Variants in SYNE1 observed in about 807,000 individuals in gnomAD.
SYNE1 encodes the protein nesprin-1.
Under a neutral mutation model 1,111.0 loss-of-function variants are expected in SYNE1, and 616 were observed. The observed-to-expected ratio is 0.55, with a 90% CI of 0.52 to 0.59. The LOEUF (loss-of-function observed/expected upper bound fraction) is 0.59. Ranked by LOEUF, SYNE1 falls within the 20% of genes least tolerant of loss-of-function variation. The pLI, the probability that SYNE1 is intolerant of heterozygous loss-of-function variation, is 0.00. For synonymous variants in SYNE1, 3,855 were observed against 3,825.8 expected, an observed-to-expected ratio of 1.01 and a Z score of -0.28; for missense variants, 10,006 against 10,417.0, an observed-to-expected ratio of 0.96 and a Z score of 1.72.
intron 3 of SYNE1, among the ~76,000 whole-genome samples, chr6:152,563,546 T>C (rs1388760121): frequency 1.3e-5 from 2 of 152,186 alleles, no homozygotes; most frequent in East Asian, 1.9e-4. Context: ...ATGAGAAATA[T>C]ATCAACTCAT....
At chr6:152,318,668 T>C (rs948361945) in intron 85 of SYNE1, among the ~76,000 whole-genome samples, 195 bp downstream of exon 85, 1 of 152,218 alleles carries the variant, frequency 6.6e-6, no homozygotes, top group Non-Finnish European at 1.5e-5. Context: ...TATTTATTAA[T>C]ACTGTTCAAT....
intron 115 of SYNE1, among the ~76,000 whole-genome samples, chr6:152,227,330 C>A (rs998844113): frequency 4.6e-5 from 7 of 152,038 alleles, no homozygotes; most frequent in African/African-American, 1.7e-4. Flanking sequence ...TATGTTTAGC[C>A]ATTTGGCAAT....
chr6:152,628,713 A>AAAT (rs2099691248), intron 2 of SYNE1, among the ~76,000 whole-genome samples, 159 bp from the exon 3 acceptor site: 1 of 152,226 alleles, frequency 6.6e-6, no homozygotes, highest in Non-Finnish European at 1.5e-5. Flanking sequence ...AGTACTATGC[A>AAAT]AATGTTAGGA....
intron 3 of SYNE1, among the ~76,000 whole-genome samples, chr6:152,627,711 C>A (rs927872909): frequency 1.6e-4 from 24 of 152,076 alleles, no homozygotes; most frequent in African/African-American, 5.3e-4. Flanking sequence ...TGGAGAAGAG[C>A]ATCACTGAGG....
At chr6:152,424,798 A>T (rs769322703) in intron 39 of SYNE1, among the ~76,000 whole-genome samples, 7 of 152,230 alleles carry the variant, frequency 4.6e-5, no homozygotes, top group Non-Finnish European at 8.8e-5. Context: ...GAATGAATTA[A>T]TTTTTTAAAT....
chr6:152,581,635 C>T (rs1226480156), intron 3 of SYNE1, among the ~76,000 whole-genome samples: 1 of 152,108 alleles, frequency 6.6e-6, no homozygotes, highest in Non-Finnish European at 1.5e-5. Flanking sequence ...CTCAGACCTC[C>T]CTTTCCAGTT....
At position 152,563,121 on chromosome 6, in the gene SYNE1, A is replaced by G. The variant is rs2128237837; in HGVS notation, c.68-23100T>C. 2.6e-5 allele frequency among the ~76,000 whole-genome samples: 4 copies of G among 152,184 alleles called. No individual in the cohort carries two copies. The South Asian group carries it at 8.3e-4, about 32-fold the overall frequency. ...AAACACACATAGAGACAACAATAAC[A>G]AAATAGTACCTTTTATCATACCCGG... On this transcript the variant is annotated intron_variant, in intron 3 of 145. Transcript: ENST00000367255.
At chr6:152,516,327 C>T (rs778398274) in intron 6 of SYNE1, among the ~76,000 whole-genome samples, 4 of 152,154 alleles carry the variant, frequency 2.6e-5, no homozygotes, top group Non-Finnish European at 5.9e-5. Context: ...ACTTTTGGTG[C>T]TTAGCAAATA....
At chr6:152,524,235 T>C (rs1471845420) in intron 5 of SYNE1, among the ~76,000 whole-genome samples, 1 of 152,174 alleles carries the variant, frequency 6.6e-6, no homozygotes, top group African/African-American at 2.4e-5. Flanking sequence ...CTATGACTAG[T>C]TTGTTGGGCT....
rs372387388 is a variant in SYNE1, at chr6:152,284,321, C to T, written c.18013-149G>A. 1.8e-3 allele frequency: 1,521 copies of T among 833,748 alleles called. 15 individuals carry two copies. The highest frequency in any genetic ancestry group is 0.013 in the South Asian group (893 of 68,252). 51.6% of individuals were successfully genotyped at this position (833,748 alleles called of 1,614,324 possible). On this transcript the variant is annotated intron_variant, in intron 95 of 145. Coordinates refer to ENST00000367255, the MANE Select transcript of SYNE1 (RefSeq NM_182961.4). ...AATCAACAAATAGCAGCCTACTCAC[C>T]TACATTTCTAAATGAAAGGCCAGGA...
intron 95 of SYNE1, among the ~76,000 whole-genome samples, chr6:152,289,588 A>G (rs1279980464): frequency 6.6e-6 from 1 of 152,092 alleles, no homozygotes; most frequent in East Asian, 1.9e-4. Context: ...ATGGGGTTTC[A>G]GCATGTTGGC....
At chr6:152,618,027 T>C (rs992228131) in intron 3 of SYNE1, among the ~76,000 whole-genome samples, 2 of 152,130 alleles carry the variant, frequency 1.3e-5, no homozygotes, top group Admixed American at 1.3e-4. Context: ...ATCTGGAAGG[T>C]TATAGTGAGT....
At chr6:152,204,126 G>T (rs539457469) in intron 126 of SYNE1, among the ~76,000 whole-genome samples, 1 of 152,218 alleles carries the variant, frequency 6.6e-6, no homozygotes, top group Non-Finnish European at 1.5e-5. Flanking sequence ...CACTTTGGGA[G>T]GCCAAGGAAG....
chr6:152,206,264 G>A lies in SYNE1; in HGVS notation c.22923C>T (p.Ala7641=), dbSNP rs2296253. 5.1e-5 allele frequency: 83 copies of A among 1,613,766 alleles called. No individual in the cohort carries two copies. The African/African-American group carries it at 5.6e-4, about 11-fold the overall frequency. ...TTTCAGCGAGTTCGGCCTGCAAGGCGGCCTCAGCGCCACTGTCCGCCGAGA... is the reference window on the plus strand; with the variant it reads ...TTTCAGCGAGTTCGGCCTGCAAGGCAGCCTCAGCGCCACTGTCCGCCGAGA... ...LLLSADSGAE[A]ALQAELAEIQ... is the part of the protein sequence containing the mutation. The change falls in exon 126 of 146, where the codon GCC becomes GCT. Residue 7641 remains alanine (A), a synonymous_variant. Transcript: ENST00000367255.
At position 152,284,079 on chromosome 6, in the gene SYNE1, C is replaced by G. The variant is rs147615757; in HGVS notation, c.18106G>C (p.Asp6036His). The G allele has an allele frequency of 1.9e-6, 3 of 1,614,022 alleles. No homozygotes were observed. The highest frequency in any genetic ancestry group is 3.3e-5 in the Admixed American group (2 of 59,996). ...EELVSESCEA[D>H]PAEQLALQST... ...TGCAAGGCCAGCTGCTCCGCAGGGT[C>G]GGCCTCACAAGACTCGGATACCAGC... The change falls in exon 96 of 146, where the codon GAC becomes CAC. Residue 6036 changes from aspartate to histidine, a missense_variant. Physicochemically the swap from Asp to His is moderately conservative, Grantham distance 81. This residue lies in a region of SYNE1 where 4,955 missense variants were observed against 5,017.2 expected (regional missense o/e 0.99). Transcript: ENST00000367255.
At position 152,330,469 on chromosome 6, in the gene SYNE1, CCTT is replaced by C; in HGVS notation, c.14213_14215del (p.Glu4738del). Reference sequence around the variant, plus strand: ...CCAAGGCTGACCTGTGCTGCGAAAACCTTCTTTTTTCTGGTTCAGTTCATCCAC... The same window carrying C: ...CCAAGGCTGACCTGTGCTGCGAAAACCTTTTTTCTGGTTCAGTTCATCCAC... On this transcript the variant is annotated inframe_deletion, in exon 78 of 146. Transcript: ENST00000367255. 3 of 1,614,120 alleles carry C rather than the reference CCTT, an allele frequency of 1.9e-6. No homozygotes were observed. The highest frequency in any genetic ancestry group is 2.2e-5 in the East Asian group (1 of 44,882).
chr6:152,386,894 T>A (rs2097534192), intron 54 of SYNE1, among the ~76,000 whole-genome samples, 178 bp downstream of exon 54: 1 of 152,174 alleles, frequency 6.6e-6, no homozygotes, highest in South Asian at 2.1e-4. Context: ...AGAAATGATC[T>A]TTATGTCATA....
At chr6:152,472,045 T>C (rs1183841503) in intron 15 of SYNE1, 4 of 594,822 alleles carry the variant, frequency 6.7e-6, no homozygotes, top group Non-Finnish European at 8.8e-6. Context: ...TTCCTTACAG[T>C]ACTGAACAAA....
intron 16 of SYNE1, among the ~76,000 whole-genome samples, chr6:152,469,144 T>C (rs1364729573): frequency 1.3e-5 from 2 of 152,106 alleles, no homozygotes; most frequent in Non-Finnish European, 2.9e-5. Flanking sequence ...AAACTGACTT[T>C]GGTGATTTGT....
Sources: allele counts gnomAD v4.1 joint callset (sites outside exome capture counted in the v4.1 genomes callset), GRCh38; gene constraint gnomAD v4.1.1; regional missense constraint gnomAD v4.1.1; transcripts MANE v1.5; gene names NCBI Gene and HGNC (gene_info 2026-07-23, HGNC 2026-07-21).